Variants in KIF11 observed in about 807,000 individuals in gnomAD.
KIF11 encodes kinesin-like protein KIF11.
KIF11 carries 9 observed loss-of-function variants against 121.0 expected under a neutral mutation model. The observed-to-expected ratio is 0.07, with a 90% CI of 0.04 to 0.13. KIF11 has a LOEUF of 0.13. KIF11 is among the 10% of genes least tolerant of loss of function. The pLI is 1.00. For synonymous variants in KIF11, 408 were observed against 421.0 expected, an observed-to-expected ratio of 0.97 and a Z score of 0.38; for missense variants, 846 against 1,217.5, an observed-to-expected ratio of 0.69 and a Z score of 4.54.
intron 17 of KIF11, 125 bp downstream of exon 17, chr10:92,640,025 TTATG>T (rs1471670406): frequency 3.2e-5 from 18 of 559,862 alleles, no homozygotes; most frequent in Non-Finnish European, 5.3e-5. Context: ...TAATATTTTA[TTATG>T]TATGTGTGTA....
chr10:92,650,251 T>A, intron 20 of KIF11, 150 bp from the exon 21 acceptor site: 1 of 611,500 alleles, frequency 1.6e-6, no homozygotes, highest in Non-Finnish European at 2.9e-6. Context: ...TAGGAATTAT[T>A]TTCATTAATT....
At chr10:92,615,852 T>G (rs1038851844) in intron 8 of KIF11, among the ~76,000 whole-genome samples, 3 of 151,510 alleles carry the variant, frequency 2.0e-5, no homozygotes, top group African/African-American at 7.3e-5. Flanking sequence ...GTTTTTTTTT[T>G]TTTTTGAGAT....
intron 16 of KIF11, 66 bp downstream of exon 16, chr10:92,637,611 T>G: frequency 6.9e-7 from 1 of 1,442,700 alleles, no homozygotes; most frequent in Non-Finnish European, 9.5e-7. Context: ...TATGACTTGA[T>G]AATTAATCTA....
chr10:92,645,733 A>T, intron 18 of KIF11, 91 bp downstream of exon 18: 1 of 1,019,418 alleles, frequency 9.8e-7, no homozygotes. Flanking sequence ...AAAACAAATG[A>T]TATTTTAAGC....
intron 18 of KIF11, 39 bp from the exon 19 acceptor site, chr10:92,648,173 T>A: frequency 3.7e-6 from 5 of 1,369,534 alleles, no homozygotes; most frequent in Non-Finnish European, 5.0e-6. Context: ...ACTGGCAACT[T>A]TAATTTTAGT....
At chr10:92,627,051 C>A (rs371299819) in intron 10 of KIF11, among the ~76,000 whole-genome samples, 13 of 152,268 alleles carry the variant, frequency 8.5e-5, no homozygotes, top group Middle Eastern at 3.4e-3. Context: ...CGTGAGCCAC[C>A]GCGCCTGGCT....
chr10:92,649,771 GTTTT>G, intron 19 of KIF11, 60 bp from the exon 20 acceptor site: 1 of 1,176,502 alleles, frequency 8.5e-7, no homozygotes, highest in Admixed American at 2.2e-5. Flanking sequence ...GAAGTTTTAG[GTTTT>G]TTTAAAAATA....
chr10:92,609,594 A>G, intron 6 of KIF11, 85 bp downstream of exon 6: 1 of 1,375,576 alleles, frequency 7.3e-7, no homozygotes, highest in Non-Finnish European at 9.9e-7. Context: ...GGGGTGGGTC[A>G]GGGTATGTGG....
chr10:92,619,910 AG>A (rs1564708839), intron 9 of KIF11, among the ~76,000 whole-genome samples: 1 of 151,520 alleles, frequency 6.6e-6, no homozygotes, highest in African/African-American at 2.4e-5. Flanking sequence ...GTTTTACCAT[AG>A]TATCTTTTGA....
chr10:92,608,223 C>T (rs1195970889), intron 4 of KIF11, among the ~76,000 whole-genome samples: 1 of 151,154 alleles, frequency 6.6e-6, no homozygotes, highest in African/African-American at 2.4e-5. Flanking sequence ...GGAGTCCTCC[C>T]ACTTCAGCCT....
chr10:92,641,951 G>GT (rs1055223761), intron 17 of KIF11, among the ~76,000 whole-genome samples: 1 of 152,014 alleles, frequency 6.6e-6, no homozygotes, highest in Non-Finnish European at 1.5e-5. Flanking sequence ...TCAATGAGGT[G>GT]TTTTTTCAGT....
chr10:92,654,073 G>A lies in KIF11; in HGVS notation c.*277G>A, dbSNP rs1334486202. The A allele has an allele frequency of 1.6e-5, 4 of 246,870 alleles. No homozygotes were observed. Among genetic ancestry groups the A allele is most frequent in the Non-Finnish European group, 3.2e-5 (4 of 124,986 alleles). 15.3% of individuals were successfully genotyped at this position (246,870 alleles called of 1,614,324 possible). The stretch of plus-strand genomic sequence containing the variant: ...CTCCTGTAATCCCAGCTACTGGGGA[G>A]GCTGAGGCACGAGAATCACTTGAAC... On this transcript the variant is annotated 3_prime_UTR_variant, in exon 22 of 22. Coordinates refer to ENST00000260731, the MANE Select transcript of KIF11 (RefSeq NM_004523.4).
chr10:92,651,865 C>T (rs1158901732), intron 21 of KIF11, among the ~76,000 whole-genome samples: 1 of 151,198 alleles, frequency 6.6e-6, no homozygotes, highest in Non-Finnish European at 1.5e-5. Context: ...GGGTACAAGC[C>T]TAGACAGAGT....
In KIF11 at chr10:92,632,971, C is replaced by T. The variant is rs11818705; in HGVS notation, c.1702+278C>T. On this transcript the variant is annotated intron_variant, in intron 13 of 21. Transcript: ENST00000260731. ...TAGAAGTCCTCTTTTTCCCTGACTCCGGCTCCTGACCCTGGGTCATTGACC... is the reference window on the plus strand; with the variant it reads ...TAGAAGTCCTCTTTTTCCCTGACTCTGGCTCCTGACCCTGGGTCATTGACC... Among the ~76,000 whole-genome samples, 22,665 of 151,842 alleles carry T rather than the reference C, an allele frequency of 0.15. 3,604 individuals carry two copies. The highest frequency in any genetic ancestry group is 0.4 in the African/African-American group (16,476 of 41,344).
chr10:92,609,561 A>G, intron 6 of KIF11, 52 bp downstream of exon 6: 1 of 1,546,246 alleles, frequency 6.5e-7, no homozygotes, highest in South Asian at 1.3e-5. Flanking sequence ...AAGAAGAATT[A>G]GGAACTTGGA....
chr10:92,604,588 A>G (rs1844409345), intron 1 of KIF11, among the ~76,000 whole-genome samples: 1 of 152,176 alleles, frequency 6.6e-6, no homozygotes, highest in Non-Finnish European at 1.5e-5. Context: ...GTTTCCTAGG[A>G]TCACAGATTT....
intron 9 of KIF11, among the ~76,000 whole-genome samples, chr10:92,617,045 C>T (rs1289382593): frequency 6.6e-6 from 1 of 152,178 alleles, no homozygotes; most frequent in Admixed American, 6.5e-5. Context: ...AGTTGGTACT[C>T]TTAGCAAAAT....
chr10:92,603,583 C>T lies in KIF11; in HGVS notation c.78-2682C>T, dbSNP rs75067978. 8.7e-3 allele frequency among the ~76,000 whole-genome samples: 1,317 copies of T among 152,218 alleles called. 21 individuals carry two copies. Among genetic ancestry groups the T allele is most frequent in the African/African-American group, 0.03 (1,253 of 41,540 alleles). ...CCAGGGCTAGTTTCGAACTTCTGAC[C>T]TCAAGTGATCTGCCCACCTTGGCCT... On this transcript the variant is annotated intron_variant, in intron 1 of 21. Transcript: ENST00000260731.
intron 20 of KIF11, 49 bp downstream of exon 20, chr10:92,650,035 T>G (rs1844964142): frequency 1.4e-6 from 2 of 1,417,434 alleles, no homozygotes; most frequent in African/African-American, 1.4e-5. Context: ...TATGAACTCT[T>G]GATGTGGCTG....
Sources: allele counts gnomAD v4.1 joint callset (sites outside exome capture counted in the v4.1 genomes callset), GRCh38; gene constraint gnomAD v4.1.1; transcripts MANE v1.5; gene names NCBI Gene and HGNC (gene_info 2026-07-23, HGNC 2026-07-21).